Variants in PRH1 observed in about 807,000 individuals in gnomAD.
PRH1 encodes the protein salivary acidic proline-rich phosphoprotein 1/2.
Under a neutral mutation model 7.9 loss-of-function variants are expected in PRH1, and 7 were observed. The ratio of observed to expected loss-of-function variants is 0.89; its 90% CI spans 0.50 to 1.67. The LOEUF (loss-of-function observed/expected upper bound fraction) is 1.67, where lower values mean the gene tolerates loss of function less well. Ranked by LOEUF, PRH1 falls within the 40% of genes most tolerant of loss-of-function variation. The pLI is 0.00. For missense variants in PRH1, 109 were observed against 223.6 expected (o/e 0.49, Z 3.27); for synonymous variants, 45 against 80.8 (o/e 0.56, Z 2.38).
At chr12:10,909,130 C>A (rs1949855570) in intron 2 of PRH1, 1 of 1,613,722 alleles carries the variant, frequency 6.2e-7, no homozygotes, top group Admixed American at 1.7e-5. Flanking sequence ...CAGATCAGCC[C>A]AATTCTGGAG....
chr12:11,024,822 T>C (rs1941828691), intron 1 of PRH1, among the ~76,000 whole-genome samples: 1 of 152,284 alleles, frequency 6.6e-6, no homozygotes, highest in Non-Finnish European at 1.5e-5. Flanking sequence ...TCCTTGATTA[T>C]GATGTTCAAA....
intron 1 of PRH1, chr12:10,997,377 T>A (rs775092124): frequency 6.2e-7 from 1 of 1,614,138 alleles, no homozygotes; most frequent in South Asian, 1.1e-5. Flanking sequence ...TTCCTCAGTT[T>A]GATCTTCCAA....
upstream of PRH1, among the ~76,000 whole-genome samples, chr12:11,050,836 G>C (rs997165577): frequency 1.3e-5 from 2 of 152,256 alleles, no homozygotes; most frequent in Non-Finnish European, 2.9e-5. Flanking sequence ...CCATATTGGA[G>C]TTTCTTGCTC....
At chr12:11,105,128 A>G (rs1342078847) in intron 1 of PRH1, among the ~76,000 whole-genome samples, 2 of 152,064 alleles carry the variant, frequency 1.3e-5, no homozygotes, top group Non-Finnish European at 2.9e-5. Flanking sequence ...CTTTGAAAAA[A>G]TATAATTAGT....
chr12:10,995,904 T>C (rs1156660710), intron 1 of PRH1, among the ~76,000 whole-genome samples: 1 of 152,108 alleles, frequency 6.6e-6, no homozygotes, highest in African/African-American at 2.4e-5. Context: ...ACATACTATA[T>C]TAAATATAAT....
At chr12:10,915,134 A>T (rs1949955628) in intron 2 of PRH1, among the ~76,000 whole-genome samples, 2 of 152,210 alleles carry the variant, frequency 1.3e-5, no homozygotes, top group South Asian at 4.1e-4. Context: ...TCTCAAAAAA[A>T]CAAAAAACAA....
At chr12:10,882,931 T>C (rs192201202) in intron 2 of PRH1, 130 bp downstream of exon 2, 2 of 1,449,936 alleles carry the variant, frequency 1.4e-6, no homozygotes, top group African/African-American at 1.4e-5. Flanking sequence ...GAGAAAACTG[T>C]TTGTATCTTT....
At chr12:10,986,850 AAAGTT>A in intron 1 of PRH1, 1 of 1,534,102 alleles carries the variant, frequency 6.5e-7, no homozygotes, top group Non-Finnish European at 8.7e-7. Context: ...AATGTATAGA[AAAGTT>A]ATCATATCTG....
intron 1 of PRH1, among the ~76,000 whole-genome samples, chr12:11,072,576 A>G (rs1944122121): frequency 6.6e-6 from 1 of 152,228 alleles, no homozygotes; most frequent in Non-Finnish European, 1.5e-5. Context: ...ATGACAAAAC[A>G]CTTGAAAGTT....
chr12:11,145,238 T>C (rs1263225986), intron 1 of PRH1, among the ~76,000 whole-genome samples: 1 of 152,282 alleles, frequency 6.6e-6, no homozygotes, highest in East Asian at 1.9e-4. Flanking sequence ...ATTGCCCAGG[T>C]TGGAATACAG....
exon 1 of PRH1, chr12:11,047,115 A>T: frequency 2.2e-6 from 1 of 460,236 alleles, no homozygotes; most frequent in South Asian, 1.6e-5. Context: ...ACACAGAAGA[A>T]CTTCCAATGT....
chr12:11,061,206 G>A (rs1206576478), intron 1 of PRH1, among the ~76,000 whole-genome samples: 2 of 113,584 alleles, frequency 1.8e-5, no homozygotes, highest in Non-Finnish European at 4.0e-5. Context: ...ATATACATAC[G>A]CACTTTTTTA....
intron 2 of PRH1, among the ~76,000 whole-genome samples, chr12:10,932,053 G>A (rs1471496380): frequency 1.3e-5 from 2 of 152,148 alleles, no homozygotes; most frequent in Admixed American, 1.3e-4. Flanking sequence ...AGCACATTAC[G>A]TGCAATGGCA....
At chr12:11,161,412 G>A (rs1947409633) in intron 1 of PRH1, among the ~76,000 whole-genome samples, 1 of 152,188 alleles carries the variant, frequency 6.6e-6, no homozygotes, top group Non-Finnish European at 1.5e-5. Context: ...AGATCTTGGA[G>A]ACTGGCAACA....
At position 10,985,881 on chromosome 12, in the gene PRH1, T is replaced by C. The variant is rs1050752846; in HGVS notation, c.-125-12160A>G. 1.8e-5 allele frequency: 24 copies of C among 1,357,844 alleles called. No homozygotes were observed. In the Middle Eastern group the frequency reaches 2.1e-3, roughly 118 times the overall value. 84.1% of individuals were successfully genotyped at this position (1,357,844 alleles called of 1,614,324 possible). The stretch of plus-strand genomic sequence containing the variant: ...AAAAAGTATAAAATGTTCCAGACAC[T>C]ATCAGTTTGTTTTCTCCTAGAATAC... On this transcript the variant is annotated intron_variant, in intron 1 of 3. Transcript: ENST00000539853.
intron 1 of PRH1, chr12:11,006,019 T>G (rs1471602142): frequency 6.6e-6 from 1 of 152,134 alleles, no homozygotes; most frequent in East Asian, 1.9e-4. Context: ...TTAGTATTAG[T>G]CTCCAATCTT....
At chr12:10,906,504 G>T (rs10845238) in intron 2 of PRH1, among the ~76,000 whole-genome samples, 74,646 of 152,000 alleles carry the variant, frequency 0.49, 20,759 homozygotes, top group East Asian at 0.72. Flanking sequence ...GATATGGTCT[G>T]GCTGTGTCCC....
At chr12:10,975,729 C>T (rs1939058429) in intron 1 of PRH1, among the ~76,000 whole-genome samples, 1 of 136,454 alleles carries the variant, frequency 7.3e-6, no homozygotes, top group South Asian at 2.6e-4. Flanking sequence ...GAAGAAAAAT[C>T]TACCAAGCAA....
intron 2 of PRH1, among the ~76,000 whole-genome samples, chr12:10,946,693 TG>T (rs1308315504): frequency 6.6e-6 from 1 of 152,174 alleles, no homozygotes; most frequent in African/African-American, 2.4e-5. Flanking sequence ...GGGGTTGATT[TG>T]TTCTTTTTTC....
Sources: allele counts gnomAD v4.1 joint callset (sites outside exome capture counted in the v4.1 genomes callset), GRCh38; gene constraint gnomAD v4.1.1; transcripts MANE v1.5; gene names NCBI Gene and HGNC (gene_info 2026-07-23, HGNC 2026-07-21).